FAM168A: variants seen among roughly 807,000 people sequenced by gnomAD.
FAM168A encodes protein FAM168A.
In FAM168A, 3 loss-of-function variants were observed where a neutral mutation model predicts 28.5. The observed-to-expected ratio is 0.11, with a 90% confidence interval of 0.05 to 0.27. FAM168A has a LOEUF of 0.27. FAM168A is among the 10% of genes least tolerant of loss of function. The pLI is 1.00. For missense variants in FAM168A, 222 were observed against 311.5 expected, an observed-to-expected ratio of 0.71 and a Z score of 2.16; for synonymous variants, 122 against 124.2, an observed-to-expected ratio of 0.98 and a Z score of 0.12.
intron 1 of FAM168A, among the ~76,000 whole-genome samples, chr11:73,572,217 C>A (rs1944104107): frequency 6.6e-6 from 1 of 151,204 alleles, no homozygotes; most frequent in Admixed American, 6.6e-5. Context: ...CAGGGGTCAG[C>A]CCCCGCCCGG....
intron 1 of FAM168A, among the ~76,000 whole-genome samples, chr11:73,496,909 A>ACACACACACACACACACACACACACACG (rs1565271121): frequency 2.0e-5 from 3 of 147,308 alleles, no homozygotes; most frequent in Admixed American, 6.8e-5. Flanking sequence ...ACACACACGC[A>ACACACACACACACACACACACACACACG]CACACACGCA....
chr11:73,490,773 T>C (rs374996510), intron 1 of FAM168A, among the ~76,000 whole-genome samples: 1 of 152,320 alleles, frequency 6.6e-6, no homozygotes, highest in East Asian at 1.9e-4. Flanking sequence ...CTTCCTTGCT[T>C]TATTTTTCCT....
At chr11:73,431,371 A>G (rs1441443021) in intron 2 of FAM168A, among the ~76,000 whole-genome samples, 1 of 150,112 alleles carries the variant, frequency 6.7e-6, no homozygotes, top group Non-Finnish European at 1.5e-5. Context: ...GCCAAAAAAA[A>G]TGGAAGCAAC....
At chr11:73,483,564 A>C (rs1299125733) in intron 1 of FAM168A, among the ~76,000 whole-genome samples, 1 of 152,240 alleles carries the variant, frequency 6.6e-6, no homozygotes, top group Non-Finnish European at 1.5e-5. Flanking sequence ...AGAAACAGAA[A>C]GTCTTAAAGC....
chr11:73,564,849 G>C (rs576790280), intron 1 of FAM168A, among the ~76,000 whole-genome samples: 14 of 149,984 alleles, frequency 9.3e-5, no homozygotes, highest in African/African-American at 1.5e-4. Context: ...TTAAAACAAC[G>C]TGTCAGAGTG....
At chr11:73,547,513 T>A (rs940277947) in intron 1 of FAM168A, among the ~76,000 whole-genome samples, 1 of 151,870 alleles carries the variant, frequency 6.6e-6, no homozygotes, top group African/African-American at 2.4e-5. Flanking sequence ...AAATTAAAAA[T>A]AAGCCAGGTG....
At chr11:73,492,646 TA>T (rs760444457) in intron 1 of FAM168A, among the ~76,000 whole-genome samples, 196 of 152,176 alleles carry the variant, frequency 1.3e-3, no homozygotes, top group Non-Finnish European at 2.2e-3. Flanking sequence ...CTCAATAAAA[TA>T]AAATAAAATA....
intron 2 of FAM168A, among the ~76,000 whole-genome samples, chr11:73,459,879 A>ATTTTTT (rs918564469): frequency 2.3e-4 from 25 of 108,438 alleles, no homozygotes; most frequent in African/African-American, 6.8e-4. Context: ...ATCCAAATGA[A>ATTTTTT]TTTTTTTTTT....
intron 1 of FAM168A, among the ~76,000 whole-genome samples, chr11:73,529,796 CTTTT>C (rs772530179): frequency 3.9e-5 from 5 of 127,486 alleles, no homozygotes; most frequent in Admixed American, 7.7e-5. Context: ...ACTTTTTCTT[CTTTT>C]TTTTTTTTTT....
intron 2 of FAM168A, among the ~76,000 whole-genome samples, chr11:73,456,270 C>T (rs149996413): frequency 5.0e-4 from 76 of 152,282 alleles, no homozygotes; most frequent in Admixed American, 2.0e-3. Flanking sequence ...TAAGCAGCCA[C>T]CTAAATGTTA....
chr11:73,461,024 T>C (rs1867637358), intron 2 of FAM168A, among the ~76,000 whole-genome samples: 2 of 152,206 alleles, frequency 1.3e-5, no homozygotes, highest in South Asian at 4.1e-4. Context: ...TATCTGTCCA[T>C]CCATTTGTTG....
intron 1 of FAM168A, among the ~76,000 whole-genome samples, chr11:73,579,503 C>T (rs946037714): frequency 2.0e-5 from 3 of 152,050 alleles, no homozygotes; most frequent in African/African-American, 7.3e-5. Context: ...ACTCACCTTA[C>T]AAAATTATTG....
chr11:73,415,919 G>A (rs938174804), intron 4 of FAM168A, among the ~76,000 whole-genome samples: 3 of 152,108 alleles, frequency 2.0e-5, no homozygotes, highest in Admixed American at 6.5e-5. Context: ...CTCCTTTTCC[G>A]AGAAAGAACC....
Position 73,528,720 on chromosome 11 carries a change from C to T in FAM168A, c.-18-60228G>A, listed in dbSNP as rs1424048918. On this transcript the variant is annotated intron_variant, in intron 1 of 7. Transcript: ENST00000356467. Reference sequence around the variant, plus strand: ...GACCTCTGTCCTGTAACACTCTGACCCTGCAAGTAATGAGACCAGGGTCCC... The same window carrying T: ...GACCTCTGTCCTGTAACACTCTGACTCTGCAAGTAATGAGACCAGGGTCCC... Among the ~76,000 whole-genome samples, 7 of 152,228 alleles carry T rather than the reference C, an allele frequency of 4.6e-5. No homozygotes were observed. The South Asian group carries it at 1.4e-3, about 32-fold the overall frequency.
intron 1 of FAM168A, among the ~76,000 whole-genome samples, chr11:73,486,119 T>A (rs1312505681): frequency 2.0e-5 from 3 of 152,234 alleles, no homozygotes; most frequent in Admixed American, 2.0e-4. Context: ...ATGGGTATGG[T>A]TGACTTAGTT....
At chr11:73,458,568 C>A (rs998279308) in intron 2 of FAM168A, among the ~76,000 whole-genome samples, 17 of 152,170 alleles carry the variant, frequency 1.1e-4, no homozygotes, top group African/African-American at 3.6e-4. Context: ...GGATTTCTGA[C>A]TCTTTCCTCA....
chr11:73,454,708 G>C (rs746370211), intron 2 of FAM168A, among the ~76,000 whole-genome samples: 1 of 152,168 alleles, frequency 6.6e-6, no homozygotes, highest in Non-Finnish European at 1.5e-5. Flanking sequence ...TGGTAGACGG[G>C]ACTATGGCTG....
chr11:73,459,172 C>T lies in FAM168A; in HGVS notation c.70+9233G>A, dbSNP rs1867594403. ...AATCATGGCTCACTGCAGCCTCAAC[C>T]TCCTGGGCTCAAGCAACCCTCCCAC... On this transcript the variant is annotated intron_variant, in intron 2 of 7. Transcript: ENST00000356467. Among the ~76,000 whole-genome samples, 3 of 152,000 alleles carry T rather than the reference C, an allele frequency of 2.0e-5. No homozygotes were observed. The South Asian group carries it at 6.2e-4, about 32-fold the overall frequency.
intron 3 of FAM168A, among the ~76,000 whole-genome samples, chr11:73,426,503 G>A (rs1866886566): frequency 6.6e-6 from 1 of 152,214 alleles, no homozygotes; most frequent in Non-Finnish European, 1.5e-5. Flanking sequence ...TCCTTCTGAA[G>A]GCACCTCTGT....
Sources: allele counts gnomAD v4.1 joint callset (sites outside exome capture counted in the v4.1 genomes callset), GRCh38; gene constraint gnomAD v4.1.1; transcripts MANE v1.5; gene names NCBI Gene and HGNC (gene_info 2026-07-23, HGNC 2026-07-21).